GCSAML: variants seen among roughly 807,000 people sequenced by gnomAD.
The protein encoded by GCSAML is germinal center associated signaling and motility like, also known as germinal center-associated signaling and motility-like protein.
In GCSAML, 9 loss-of-function variants were observed where a neutral mutation model predicts 13.0. The ratio of observed to expected loss-of-function variants is 0.69; its 90% CI spans 0.42 to 1.21. The LOEUF (loss-of-function observed/expected upper bound fraction) is 1.21, where lower values mean the gene tolerates loss of function less well. Ranked by LOEUF, GCSAML falls within the 50% of genes most tolerant of loss-of-function variation. The pLI, the probability that GCSAML is intolerant of heterozygous loss-of-function variation, is 0.00. For missense variants in GCSAML, 143 were observed against 153.4 expected (o/e 0.93, Z 0.36); for synonymous variants, 37 against 52.9 (o/e 0.70, Z 1.31).
chr1:247,539,908 G>A (rs1667351880), intron 2 of GCSAML, among the ~76,000 whole-genome samples: 1 of 151,964 alleles, frequency 6.6e-6, no homozygotes, highest in Non-Finnish European at 1.5e-5. Context: ...TACTGTCTGC[G>A]CCTTCCCCCT....
At chr1:247,539,848 C>T (rs1324775565) in intron 2 of GCSAML, among the ~76,000 whole-genome samples, 1 of 152,188 alleles carries the variant, frequency 6.6e-6, no homozygotes. Flanking sequence ...TCACTGACTT[C>T]CTACCTGACT....
intron 2 of GCSAML, among the ~76,000 whole-genome samples, chr1:247,543,572 G>A (rs1417189528): frequency 1.3e-5 from 2 of 152,078 alleles, no homozygotes; most frequent in Non-Finnish European, 2.9e-5. Context: ...AATTATCGTG[G>A]ACAAAGCAGA....
intron 2 of GCSAML, among the ~76,000 whole-genome samples, chr1:247,558,658 A>G (rs1668030104): frequency 6.6e-6 from 1 of 152,048 alleles, no homozygotes; most frequent in Non-Finnish European, 1.5e-5. Context: ...AATTGTTGCT[A>G]TTCTAATTGT....
intron 4 of GCSAML, among the ~76,000 whole-genome samples, chr1:247,571,632 A>T (rs1668616399): frequency 6.6e-6 from 1 of 151,816 alleles, no homozygotes; most frequent in Non-Finnish European, 1.5e-5. Context: ...TGTCCTTAAC[A>T]TTTTTTCCTT....
chr1:247,531,348 A>G (rs1157694197), intron 2 of GCSAML: 9 of 603,976 alleles, frequency 1.5e-5, no homozygotes, highest in African/African-American at 5.6e-5. Context: ...CAACAACGCA[A>G]TTGAACAAAA....
chr1:247,511,856 G>A (rs1229563819), intron 1 of GCSAML, among the ~76,000 whole-genome samples: 3 of 152,304 alleles, frequency 2.0e-5, no homozygotes, highest in East Asian at 1.9e-4. Flanking sequence ...CTGACTTGTA[G>A]GGTTTCTGCA....
At chr1:247,565,983 A>T in intron 4 of GCSAML, 24 bp downstream of exon 4, 1 of 1,523,188 alleles carries the variant, frequency 6.6e-7, no homozygotes. Flanking sequence ...AAAAAGCAAG[A>T]CAAAAGAAAA....
At chr1:247,532,782 A>G (rs879393989) in intron 2 of GCSAML, among the ~76,000 whole-genome samples, 2 of 151,904 alleles carry the variant, frequency 1.3e-5, no homozygotes, top group Non-Finnish European at 1.5e-5. Context: ...TTTTATACCC[A>G]TTGTTTTCAA....
chr1:247,515,962 G>C (rs1246622796), intron 1 of GCSAML, among the ~76,000 whole-genome samples: 1 of 152,184 alleles, frequency 6.6e-6, no homozygotes, highest in African/African-American at 2.4e-5. Flanking sequence ...ACTCTTATCT[G>C]TTGGTTGAGG....
intron 2 of GCSAML, chr1:247,533,807 C>T (rs1420976238): frequency 6.6e-6 from 1 of 152,198 alleles, no homozygotes; most frequent in Non-Finnish European, 1.5e-5. Flanking sequence ...TGTCTTTTCT[C>T]CTATGAATCT....
chr1:247,533,394 A>G (rs957752402), intron 2 of GCSAML: 16 of 152,216 alleles, frequency 1.1e-4, no homozygotes, highest in African/African-American at 3.6e-4. Context: ...GGTGACACAT[A>G]GAAACCAGAG....
chr1:247,517,263 A>G (rs1430145223), intron 1 of GCSAML, among the ~76,000 whole-genome samples: 1 of 152,244 alleles, frequency 6.6e-6, no homozygotes, highest in Non-Finnish European at 1.5e-5. Context: ...TAGGGCCCCC[A>G]GGCTATTTTC....
chr1:247,555,380 T>A (rs1667914278), intron 1 of GCSAML, among the ~76,000 whole-genome samples: 1 of 152,238 alleles, frequency 6.6e-6, no homozygotes, highest in South Asian at 2.1e-4. Flanking sequence ...AAACATTACA[T>A]CCAGATTTGA....
At chr1:247,567,296 T>A (rs1279105518) in intron 4 of GCSAML, among the ~76,000 whole-genome samples, 1 of 151,788 alleles carries the variant, frequency 6.6e-6, no homozygotes, top group Non-Finnish European at 1.5e-5. Flanking sequence ...CCCCATGCAT[T>A]AGGTATTTGT....
rs567194473 is a variant in GCSAML at position 247,523,899 on chromosome 1, T to C, written c.-262-3041T>C. Among the ~76,000 whole-genome samples the C allele has an allele frequency of 6.6e-5, 10 of 152,130 alleles. No individual in the cohort carries two copies. In the South Asian group the frequency reaches 2.1e-3, roughly 32 times the overall value. The stretch of plus-strand genomic sequence containing the variant: ...TTGCACATATATGAAATTTTGAATA[T>C]GGTAAAGGTATAATTTGAAGCAAAT... On this transcript the variant is annotated intron_variant, in intron 1 of 5. Transcript: ENST00000366489.
intron 2 of GCSAML, among the ~76,000 whole-genome samples, chr1:247,540,337 C>T (rs1667371044): frequency 6.6e-6 from 1 of 152,162 alleles, no homozygotes; most frequent in Non-Finnish European, 1.5e-5. Flanking sequence ...AGCCAGTTTC[C>T]ATCTCTTAAC....
In GCSAML at chr1:247,574,269, G is replaced by A; in HGVS notation, c.295G>A (p.Val99Met). 6.2e-7 allele frequency: 1 copy of A among 1,614,142 alleles called. No individual in the cohort carries two copies. Among genetic ancestry groups the A allele is most frequent in the Non-Finnish European group, 8.5e-7 (1 of 1,180,022 alleles). Residue 99 changes from valine (V) to methionine (M), a missense_variant, in exon 5 of 5, where the codon GTG becomes ATG. By Grantham distance (21) the Val-to-Met change is conservative. Transcript: ENST00000366488. The part of the protein sequence containing the change: ...YENIDSLTRK[V>M]RQFRERSETE... ...GAACATTGACTCCCTCACAAGGAAA[G>A]TGAGACAGTTTAGAGAAAGGTCAGA...
At chr1:247,546,641 G>A (rs1165803291), upstream of GCSAML, among the ~76,000 whole-genome samples, 3 of 152,050 alleles carry the variant, frequency 2.0e-5, no homozygotes, top group African/African-American at 4.8e-5. Flanking sequence ...GATGACAGGT[G>A]TGAGCCACCG....
intron 2 of GCSAML, among the ~76,000 whole-genome samples, chr1:247,562,432 G>T (rs1220324529): frequency 2.0e-5 from 3 of 152,274 alleles, no homozygotes; most frequent in East Asian, 3.9e-4. Context: ...CTGGCTGGGT[G>T]CCTGGAATTT....
Sources: gnomAD v4.1 joint callset for allele counts (sites outside exome capture counted in the v4.1 genomes callset) on GRCh38, gnomAD v4.1.1 for gene constraint, MANE v1.5 for transcripts, NCBI Gene and HGNC (gene_info 2026-07-23, HGNC 2026-07-21) for gene names.